PRKD3: variants seen among roughly 807,000 people sequenced by gnomAD.
PRKD3 encodes the protein serine/threonine-protein kinase D3.
In PRKD3, 47 loss-of-function variants were observed where a neutral mutation model predicts 99.2. The ratio of observed to expected loss-of-function variants is 0.47; its 90% CI spans 0.38 to 0.60. PRKD3 has a LOEUF of 0.60. PRKD3 is among the 20% of genes least tolerant of loss of function. The pLI is 0.00. For missense variants in PRKD3, 1,019 were observed against 1,088.4 expected, an observed-to-expected ratio of 0.94 and a Z score of 0.90; for synonymous variants, 392 against 355.4, an observed-to-expected ratio of 1.10 and a Z score of -1.16.
At chr2:37,254,156 GA>G (rs745782271) in intron 18 of PRKD3, 47 bp downstream of exon 18, 2 of 1,379,350 alleles carry the variant, frequency 1.4e-6, no homozygotes, top group Admixed American at 3.4e-5. Context: ...AAATCAGAGT[GA>G]ACTACTCAAA....
Position 37,289,367 on chromosome 2 carries a change from G to A in PRKD3, c.706C>T (p.Pro236Ser), listed in dbSNP as rs756196158. The A allele has an allele frequency of 2.5e-6, 4 of 1,613,774 alleles. No homozygotes were observed. Among genetic ancestry groups the A allele is most frequent in the South Asian group, 2.2e-5 (2 of 91,010 alleles). The change falls in exon 5 of 19, where the codon CCC (proline) becomes TCC (serine). Residue 236 changes from proline to serine, a missense_variant. By Grantham distance (74) the Pro-to-Ser change is moderately conservative. This residue lies in a region of PRKD3 where 710 missense variants were observed against 692.7 expected (regional missense o/e 1.02). Transcript: ENST00000234179. Reference sequence around the variant, plus strand: ...CTTAGAATACGTACCTCTTCACTGGGAAGGGCTACATATTCAGGCTGTAGG... The same window carrying A: ...CTTAGAATACGTACCTCTTCACTGGAAAGGGCTACATATTCAGGCTGTAGG... ...RPLQPEYVAL[P>S]SEESHVHQEP...
intron 13 of PRKD3, chr2:37,268,487 C>T (rs1016953024): frequency 8.0e-6 from 3 of 374,632 alleles, no homozygotes; most frequent in Non-Finnish European, 1.6e-5. Flanking sequence ...CCAGACATCT[C>T]ACAGCCAACG....
chr2:37,279,150 C>T (rs551068438), intron 8 of PRKD3: 1 of 152,084 alleles, frequency 6.6e-6, no homozygotes, highest in East Asian at 1.9e-4. Context: ...AAAACAAAAC[C>T]TGCCAAAATG....
At chr2:37,321,422 T>G (rs1250366501) in intron 1 of PRKD3, among the ~76,000 whole-genome samples, 2 of 152,180 alleles carry the variant, frequency 1.3e-5, no homozygotes, top group Non-Finnish European at 2.9e-5. Context: ...AGGACTTACT[T>G]GAGGATTATC....
At chr2:37,289,152 A>G (rs75819093) in intron 5 of PRKD3, among the ~76,000 whole-genome samples, 1,962 of 152,248 alleles carry the variant, frequency 0.013, 50 homozygotes, top group African/African-American at 0.044. Flanking sequence ...CAGTGGTACA[A>G]GCCATAATAC....
intron 16 of PRKD3, among the ~76,000 whole-genome samples, chr2:37,259,340 G>A (rs963165039): frequency 6.6e-6 from 1 of 152,188 alleles, no homozygotes; most frequent in Non-Finnish European, 1.5e-5. Flanking sequence ...CAGCCCCTGG[G>A]GAGAGGTGAA....
At chr2:37,289,290 T>A (rs1670271998) in intron 5 of PRKD3, 66 bp downstream of exon 5, 7 of 1,528,958 alleles carry the variant, frequency 4.6e-6, no homozygotes, top group Non-Finnish European at 6.3e-6. Context: ...TAGAGTGATG[T>A]CATACACCCT....
At chr2:37,300,818 TAGG>T (rs1670891444) in intron 2 of PRKD3, among the ~76,000 whole-genome samples, 1 of 152,328 alleles carries the variant, frequency 6.6e-6, no homozygotes, top group African/African-American at 2.4e-5. Context: ...GATAACTTTC[TAGG>T]AGATTTGCTG....
chr2:37,319,226 G>C (rs961330107), intron 1 of PRKD3, among the ~76,000 whole-genome samples: 1 of 152,142 alleles, frequency 6.6e-6, no homozygotes, highest in African/African-American at 2.4e-5. Flanking sequence ...GACAAAAATA[G>C]TATCCAAGAT....
intron 17 of PRKD3, 82 bp downstream of exon 17, chr2:37,256,580 A>T: frequency 7.2e-7 from 1 of 1,398,262 alleles, no homozygotes; most frequent in Non-Finnish European, 9.4e-7. Flanking sequence ...CAAGAGACAG[A>T]CTGATTTGGG....
chr2:37,283,900 CAAAAAAAA>C (rs397872003), intron 6 of PRKD3, among the ~76,000 whole-genome samples: 1 of 89,684 alleles, frequency 1.1e-5, no homozygotes, highest in East Asian at 2.5e-4. Context: ...GACTCTGTCT[CAAAAAAAA>C]AAAAAAAAAA....
At chr2:37,287,631 T>C (rs1406391877) in intron 5 of PRKD3, among the ~76,000 whole-genome samples, 3 of 152,214 alleles carry the variant, frequency 2.0e-5, no homozygotes. Context: ...GATTTTGTGC[T>C]TGAGTATTTG....
At chr2:37,262,898 C>T (rs1400059157) in intron 14 of PRKD3, among the ~76,000 whole-genome samples, 2 of 147,024 alleles carry the variant, frequency 1.4e-5, no homozygotes, top group East Asian at 2.4e-4. Flanking sequence ...GATTCCTTCC[C>T]CCCCCCGTAT....
At chr2:37,315,246 C>T (rs1204036260) in intron 2 of PRKD3, among the ~76,000 whole-genome samples, 4 of 152,158 alleles carry the variant, frequency 2.6e-5, no homozygotes, top group African/African-American at 7.2e-5. Context: ...AGAAAACATA[C>T]TAGCCTCATC....
At chr2:37,255,107 T>C (rs142723170) in intron 17 of PRKD3, among the ~76,000 whole-genome samples, 15 of 152,340 alleles carry the variant, frequency 9.8e-5, no homozygotes, top group Admixed American at 5.2e-4. Context: ...AAAGTGATTC[T>C]GATAGAAGAG....
chr2:37,292,055 G>A (rs1168335837), intron 3 of PRKD3, among the ~76,000 whole-genome samples: 1 of 152,052 alleles, frequency 6.6e-6, no homozygotes, highest in South Asian at 2.1e-4. Flanking sequence ...AGCCCAGTGG[G>A]ACAAAAAGGG....
At chr2:37,321,287 A>G (rs1671873114) in intron 1 of PRKD3, among the ~76,000 whole-genome samples, 1 of 152,152 alleles carries the variant, frequency 6.6e-6, no homozygotes, top group South Asian at 2.1e-4. Flanking sequence ...CACATATTCC[A>G]TTCAAATGAG....
At chr2:37,300,985 G>A (rs1670899398) in intron 2 of PRKD3, among the ~76,000 whole-genome samples, 1 of 150,184 alleles carries the variant, frequency 6.7e-6, no homozygotes, top group Non-Finnish European at 1.5e-5. Context: ...GACTTTAGAT[G>A]AAAAATGGTA....
intron 1 of PRKD3, among the ~76,000 whole-genome samples, chr2:37,318,546 AATC>A (rs1186329247): frequency 2.0e-5 from 3 of 152,200 alleles, no homozygotes; most frequent in Admixed American, 2.0e-4. Flanking sequence ...AGGAACTAAG[AATC>A]ACTGCTCAGA....
Sources: gnomAD v4.1 joint callset for allele counts (sites outside exome capture counted in the v4.1 genomes callset) on GRCh38, gnomAD v4.1.1 for gene constraint, gnomAD v4.1.1 regional missense constraint, MANE v1.5 for transcripts, NCBI Gene and HGNC (gene_info 2026-07-23, HGNC 2026-07-21) for gene names.